Variants in JAK2 observed in about 807,000 individuals in gnomAD.
The protein encoded by JAK2 is tyrosine-protein kinase JAK2.
JAK2 carries 86 observed loss-of-function variants against 139.3 expected under a neutral mutation model. The ratio of observed to expected loss-of-function variants is 0.62; its 90% CI spans 0.52 to 0.74. The LOEUF is 0.74. Ranked by LOEUF, JAK2 falls within the 30% of genes least tolerant of loss-of-function variation. The pLI is 0.00. For missense variants in JAK2, 1,421 were observed against 1,360.3 expected (o/e 1.04, Z -0.70); for synonymous variants, 490 against 437.7 (o/e 1.12, Z -1.49).
At chr9:5,079,785 C>G (rs186322600) in intron 16 of JAK2, among the ~76,000 whole-genome samples, 6 of 151,840 alleles carry the variant, frequency 4.0e-5, no homozygotes, top group Non-Finnish European at 8.8e-5. Context: ...TGCCATTGCA[C>G]TCTAGCCTGA....
chr9:5,052,750 G>C (rs1311697179), intron 6 of JAK2, among the ~76,000 whole-genome samples: 1 of 151,990 alleles, frequency 6.6e-6, no homozygotes, highest in South Asian at 2.1e-4. Context: ...AATGTGGTGT[G>C]GCATTTTTTT....
Position 5,126,416 on chromosome 9 carries a change from A to T in JAK2, c.3261A>T (p.Arg1087Ser). The part of the protein sequence containing the change: ...HLIELLKNNG[R>S]LPRPDGCPDE... ...TAGAACTTTTGAAGAATAATGGAAG[A>T]TTACCAAGACCAGATGGATGCCCAG... is the stretch of plus-strand genomic sequence containing the variant. Residue 1087 changes from arginine (R) to serine (S), a missense_variant, in exon 24 of 25, where the codon AGA becomes AGT. Transcript: ENST00000381652. 1 of 1,610,648 alleles carries T rather than the reference A, an allele frequency of 6.2e-7. No homozygotes were observed. Among genetic ancestry groups the T allele is most frequent in the Non-Finnish European group, 8.5e-7 (1 of 1,177,662 alleles).
chr9:5,052,068 C>T (rs1817453272), intron 6 of JAK2, among the ~76,000 whole-genome samples: 1 of 151,960 alleles, frequency 6.6e-6, no homozygotes, highest in South Asian at 2.1e-4. Flanking sequence ...TCTTAGATGT[C>T]GTTACATAGA....
At chr9:5,003,607 G>C (rs540378422) in intron 2 of JAK2, among the ~76,000 whole-genome samples, 1 of 152,114 alleles carries the variant, frequency 6.6e-6, no homozygotes, top group South Asian at 2.1e-4. Context: ...GTGATTGGTA[G>C]ATTCTTTTAA....
intron 4 of JAK2, among the ~76,000 whole-genome samples, chr9:5,042,750 T>G (rs1816691735): frequency 1.3e-5 from 2 of 152,170 alleles, no homozygotes; most frequent in African/African-American, 2.4e-5. Flanking sequence ...CAGGCATTGC[T>G]GCCAGGGGTG....
intron 4 of JAK2, chr9:5,041,029 G>C: frequency 1.5e-6 from 1 of 670,218 alleles, no homozygotes; most frequent in South Asian, 1.5e-5. Flanking sequence ...CCTGGGTACC[G>C]GTTCTACAAG....
At chr9:5,003,311 G>A (rs934227857) in intron 2 of JAK2, among the ~76,000 whole-genome samples, 2 of 151,968 alleles carry the variant, frequency 1.3e-5, no homozygotes, top group African/African-American at 4.8e-5. Flanking sequence ...GAAAAGAACC[G>A]ACATCTGAAC....
intron 2 of JAK2, among the ~76,000 whole-genome samples, chr9:5,017,250 C>A (rs1563928533): frequency 6.6e-6 from 1 of 152,108 alleles, no homozygotes; most frequent in African/African-American, 2.4e-5. Flanking sequence ...CAGAGCCCCA[C>A]TGAAAGGTCT....
chr9:5,059,986 T>A (rs1818042173), intron 8 of JAK2, among the ~76,000 whole-genome samples: 4 of 152,176 alleles, frequency 2.6e-5, no homozygotes. Flanking sequence ...CAGAGATATT[T>A]CTAGTTCAGT....
rs1586828889 is a variant in JAK2 at position 5,115,589 on chromosome 9, C to T, written c.3060-7415C>T. On this transcript the variant is annotated intron_variant, in intron 22 of 24. Coordinates refer to ENST00000381652, the MANE Select transcript of JAK2 (RefSeq NM_004972.4). ...TATACCCAAAGGATTATAAATCATTCTACTATAAAGACACATGCACATGTA... is the reference window on the plus strand; with the variant it reads ...TATACCCAAAGGATTATAAATCATTTTACTATAAAGACACATGCACATGTA... 2.6e-5 allele frequency among the ~76,000 whole-genome samples: 4 copies of T among 152,298 alleles called. No individual in the cohort carries two copies. In the South Asian group the frequency reaches 8.3e-4, roughly 32 times the overall value.
intron 23 of JAK2, 49 bp from the exon 24 acceptor site, chr9:5,126,284 T>C: frequency 1.5e-6 from 2 of 1,326,088 alleles, no homozygotes; most frequent in Non-Finnish European, 1.1e-6. Context: ...AGAAAGAATT[T>C]TGCTACAAAT....
chr9:5,034,824 G>T (rs1163304692), intron 4 of JAK2, among the ~76,000 whole-genome samples: 1 of 152,096 alleles, frequency 6.6e-6, no homozygotes, highest in Non-Finnish European at 1.5e-5. Flanking sequence ...ACAATTAAAA[G>T]AACTAGAAAA....
intron 22 of JAK2, among the ~76,000 whole-genome samples, chr9:5,119,007 T>G (rs1198885342): frequency 1.3e-5 from 2 of 152,178 alleles, no homozygotes; most frequent in African/African-American, 4.8e-5. Flanking sequence ...TTGTTTAAAC[T>G]AATACATTCA....
At chr9:5,001,522 G>T (rs1162048684) in intron 2 of JAK2, among the ~76,000 whole-genome samples, 1 of 152,012 alleles carries the variant, frequency 6.6e-6, no homozygotes, top group Non-Finnish European at 1.5e-5. Flanking sequence ...CAACCAGTAT[G>T]ACTGGAATAA....
chr9:5,121,028 C>G (rs1360725142), intron 22 of JAK2, among the ~76,000 whole-genome samples: 1 of 152,088 alleles, frequency 6.6e-6, no homozygotes, highest in Non-Finnish European at 1.5e-5. Context: ...ATGATACTAT[C>G]TAAGGGAAAG....
At chr9:5,026,195 T>C (rs1423340187) in intron 3 of JAK2, among the ~76,000 whole-genome samples, 1 of 152,216 alleles carries the variant, frequency 6.6e-6, no homozygotes, top group East Asian at 1.9e-4. Context: ...TATAAGCAGA[T>C]AAAGCTACAA....
intron 22 of JAK2, among the ~76,000 whole-genome samples, chr9:5,106,474 C>T (rs894512528): frequency 6.6e-6 from 1 of 152,154 alleles, no homozygotes; most frequent in African/African-American, 2.4e-5. Context: ...AGTTCAACCA[C>T]TGCAGAAGAC....
At chr9:5,004,509 T>C (rs1821144520) in intron 2 of JAK2, among the ~76,000 whole-genome samples, 2 of 152,234 alleles carry the variant, frequency 1.3e-5, no homozygotes, top group African/African-American at 2.4e-5. Context: ...TGTGTACATA[T>C]GCTGTATTTT....
intron 6 of JAK2, among the ~76,000 whole-genome samples, chr9:5,051,543 C>G (rs1465827029): frequency 6.6e-6 from 1 of 152,086 alleles, no homozygotes; most frequent in Non-Finnish European, 1.5e-5. Flanking sequence ...CTAGGGTATT[C>G]TTATACAAAT....
Sources: allele counts gnomAD v4.1 joint callset (sites outside exome capture counted in the v4.1 genomes callset), GRCh38; gene constraint gnomAD v4.1.1; transcripts MANE v1.5; gene names NCBI Gene and HGNC (gene_info 2026-07-23, HGNC 2026-07-21).